Variants in XXYLT1 observed in about 807,000 individuals in gnomAD.
XXYLT1 encodes the protein xyloside xylosyltransferase 1.
Under a neutral mutation model 28.9 loss-of-function variants are expected in XXYLT1, and 20 were observed. The observed-to-expected ratio is 0.69, with a 90% CI of 0.49 to 1.00. The LOEUF is 1.00. Ranked by LOEUF, XXYLT1 falls within the 50% of genes least tolerant of loss-of-function variation. The probability of loss-of-function intolerance (pLI) is 0.00; values close to 1 mark genes in which losing one functional copy is unlikely to be tolerated. For synonymous variants in XXYLT1, 257 were observed against 253.8 expected, an observed-to-expected ratio of 1.01 and a Z score of -0.12; for missense variants, 542 against 560.1, an observed-to-expected ratio of 0.97 and a Z score of 0.33.
intron 2 of XXYLT1, among the ~76,000 whole-genome samples, chr3:195,179,502 T>G (rs1409625605): frequency 6.6e-6 from 1 of 152,070 alleles, no homozygotes; most frequent in African/African-American, 2.4e-5. Flanking sequence ...GCTCAAGAAC[T>G]GGTTTTCAGT....
chr3:195,073,462 A>T (rs892007748), intron 3 of XXYLT1, among the ~76,000 whole-genome samples: 1 of 152,160 alleles, frequency 6.6e-6, no homozygotes, highest in Non-Finnish European at 1.5e-5. Context: ...AGCATCCAGA[A>T]GTTTCTCTGA....
At chr3:195,130,701 G>A (rs1174420920) in intron 3 of XXYLT1, among the ~76,000 whole-genome samples, 1 of 152,184 alleles carries the variant, frequency 6.6e-6, no homozygotes, top group Non-Finnish European at 1.5e-5. Context: ...GGGGAACGGA[G>A]GCAACAGGCA....
At chr3:195,139,140 C>A (rs1719352335) in intron 3 of XXYLT1, among the ~76,000 whole-genome samples, 1 of 152,150 alleles carries the variant, frequency 6.6e-6, no homozygotes, top group African/African-American at 2.4e-5. Context: ...TAGCATACAG[C>A]AGGTGCTCAG....
chr3:195,261,440 TAAAAA>T (rs1272244387), intron 1 of XXYLT1, among the ~76,000 whole-genome samples: 1 of 151,124 alleles, frequency 6.6e-6, no homozygotes, highest in Non-Finnish European at 1.5e-5. Context: ...GACTCCATCT[TAAAAA>T]GAAAAGAAAA....
intron 2 of XXYLT1, chr3:195,207,619 T>C (rs981217988): frequency 6.1e-6 from 2 of 328,922 alleles, no homozygotes; most frequent in African/African-American, 4.3e-5. Context: ...GAGATCCCCT[T>C]GTATCAGTTA....
At chr3:195,251,388 G>T (rs913996540) in intron 1 of XXYLT1, among the ~76,000 whole-genome samples, 5 of 152,256 alleles carry the variant, frequency 3.3e-5, no homozygotes, top group Non-Finnish European at 7.3e-5. Flanking sequence ...CCACAGGTTA[G>T]GCAGCAGGTC....
chr3:195,148,614 G>A (rs1228052961), intron 3 of XXYLT1, among the ~76,000 whole-genome samples: 3 of 152,118 alleles, frequency 2.0e-5, no homozygotes, highest in Non-Finnish European at 2.9e-5. Context: ...AGTGAACAAC[G>A]GACCTGAATT....
At chr3:195,155,516 G>A (rs774924848) in intron 3 of XXYLT1, among the ~76,000 whole-genome samples, 29 of 150,722 alleles carry the variant, frequency 1.9e-4, no homozygotes, top group African/African-American at 5.4e-4. Context: ...ATCAAAACCC[G>A]CTTCAGCTGT....
In XXYLT1 at chr3:195,133,188, C is replaced by T. The variant is rs6802842; in HGVS notation, c.785+23261G>A. On this transcript the variant is annotated intron_variant, in intron 3 of 3. Transcript: ENST00000310380. The surrounding 1 kb of genome is among the most constrained non-coding windows in gnomAD (Gnocchi z 4.4). The stretch of plus-strand genomic sequence containing the variant: ...GGGGCATGAAATGTGAAGAGAAAGA[C>T]GGCTGAAGCCCCAGGTGCCCCGCCT... Among the ~76,000 whole-genome samples the T allele has an allele frequency of 1.8e-3, 279 of 152,276 alleles. 1 individual carries two copies. Among genetic ancestry groups the T allele is most frequent in the African/African-American group, 6.3e-3 (263 of 41,566 alleles).
In XXYLT1 at chr3:195,078,601, T is replaced by C. The variant is rs549417829; in HGVS notation, c.786-8490A>G. Among the ~76,000 whole-genome samples the C allele has an allele frequency of 3.3e-5, 5 of 152,166 alleles. No individual in the cohort carries two copies. The East Asian group carries it at 9.7e-4, about 29-fold the overall frequency. On this transcript the variant is annotated intron_variant, in intron 3 of 3. Transcript: ENST00000310380. The surrounding 1 kb of genome is among the most constrained non-coding windows in gnomAD (Gnocchi z 5.0). ...TGATGCCCTCCAAGCCTCCTACTAA[T>C]ATCGACTGCCCGTTCTCTGCCTCTC...
At chr3:195,260,718 G>C (rs971968634) in intron 1 of XXYLT1, among the ~76,000 whole-genome samples, 1 of 152,216 alleles carries the variant, frequency 6.6e-6, no homozygotes, top group Non-Finnish European at 1.5e-5. Context: ...GTGCCTGGCT[G>C]CTTCTAAAGG....
intron 3 of XXYLT1, among the ~76,000 whole-genome samples, chr3:195,132,028 G>A (rs1487782594): frequency 6.6e-6 from 1 of 152,122 alleles, no homozygotes; most frequent in African/African-American, 2.4e-5. Flanking sequence ...GGAGCCAGGC[G>A]GGACCTCACT....
chr3:195,242,726 T>C (rs1418642789), intron 1 of XXYLT1, among the ~76,000 whole-genome samples: 1 of 152,160 alleles, frequency 6.6e-6, no homozygotes, highest in East Asian at 1.9e-4. Flanking sequence ...CAGAAAAACC[T>C]GGCCCTCCCA....
At chr3:195,184,731 A>G in intron 2 of XXYLT1, 1 of 985,454 alleles carries the variant, frequency 1.0e-6, no homozygotes, top group Middle Eastern at 5.2e-4. Context: ...TGAGTCTATC[A>G]TAGACACAGT....
rs988737316 is a variant in XXYLT1, at chr3:195,209,468, G to A, written c.652+17241C>T. Reference sequence around the variant, plus strand: ...GCTCTTGCCATCTCAGCCACATCAGGCCCGACTTAGGACCCTCTGGGACCT... The same window carrying A: ...GCTCTTGCCATCTCAGCCACATCAGACCCGACTTAGGACCCTCTGGGACCT... On this transcript the variant is annotated intron_variant, in intron 2 of 3. Coordinates refer to ENST00000310380, the MANE Select transcript of XXYLT1 (RefSeq NM_152531.5). The surrounding 1 kb of genome is among the most constrained non-coding windows in gnomAD (Gnocchi z 5.0). 1.3e-5 allele frequency: 2 copies of A among 152,350 alleles called. No individual in the cohort carries two copies. Among genetic ancestry groups the A allele is most frequent in the African/African-American group, 2.4e-5 (1 of 41,442 alleles). The allele number at this position is 152,350 out of a possible 1,614,324, so 9.4% of individuals were successfully genotyped here. A position where few individuals can be genotyped will look rare whatever the true frequency, so the allele number is the denominator to read the frequency against.
intron 2 of XXYLT1, among the ~76,000 whole-genome samples, chr3:195,194,679 C>T (rs957699372): frequency 6.6e-6 from 1 of 152,066 alleles, no homozygotes; most frequent in Non-Finnish European, 1.5e-5. Flanking sequence ...AACAAACACA[C>T]GAACAAAACG....
At chr3:195,118,072 C>A (rs1718143662) in intron 3 of XXYLT1, among the ~76,000 whole-genome samples, 1 of 152,222 alleles carries the variant, frequency 6.6e-6, no homozygotes, top group Non-Finnish European at 1.5e-5. Flanking sequence ...CATTTCCTGT[C>A]CCATATGAAG....
chr3:195,158,306 C>T (rs577360902), intron 2 of XXYLT1, among the ~76,000 whole-genome samples: 8 of 152,292 alleles, frequency 5.3e-5, no homozygotes, highest in East Asian at 3.9e-4. Flanking sequence ...TGGCCACCCG[C>T]GTACCTGTCT....
At chr3:195,197,370 G>C (rs1025091319) in intron 2 of XXYLT1, among the ~76,000 whole-genome samples, 3 of 151,450 alleles carry the variant, frequency 2.0e-5, no homozygotes, top group Non-Finnish European at 4.4e-5. Flanking sequence ...CTGGGAGGCA[G>C]AGGCTGCAGT....
Sources: allele counts gnomAD v4.1 joint callset (sites outside exome capture counted in the v4.1 genomes callset), GRCh38; gene constraint gnomAD v4.1.1; non-coding constraint Gnocchi (gnomAD v3.1); transcripts MANE v1.5; gene names NCBI Gene and HGNC (gene_info 2026-07-23, HGNC 2026-07-21).